The following KCTD15 variants were observed in gnomAD, a reference collection of about 807,000 sequenced individuals.
The protein encoded by KCTD15 is BTB/POZ domain-containing protein KCTD15.
A neutral mutation model predicts 27.2 loss-of-function variants in KCTD15; 11 were observed. The observed-to-expected ratio is 0.41, with a 90% confidence interval of 0.25 to 0.67. The LOEUF (loss-of-function observed/expected upper bound fraction) is 0.67, where lower values mean the gene tolerates loss of function less well. KCTD15 is among the 30% of genes least tolerant of loss of function. The pLI is 0.35. For missense variants in KCTD15, 350 were observed against 409.3 expected (o/e 0.86, Z 1.25); for synonymous variants, 163 against 176.0 (o/e 0.93, Z 0.58).
intron 4 of KCTD15, among the ~76,000 whole-genome samples, chr19:33,801,995 C>G (rs368228169): frequency 2.6e-5 from 4 of 152,202 alleles, no homozygotes; most frequent in Non-Finnish European, 5.9e-5. Flanking sequence ...TGGGGGCTCA[C>G]AGGCACCCTC....
intron 4 of KCTD15, among the ~76,000 whole-genome samples, chr19:33,802,123 C>G (rs1975575855): frequency 6.6e-6 from 1 of 152,202 alleles, no homozygotes; most frequent in South Asian, 2.1e-4. Context: ...GGTGAGGGAC[C>G]TGCTTTCCCC....
Position 33,805,892 on chromosome 19 carries a change from C to T in KCTD15, c.243-971C>T, listed in dbSNP as rs551009453. Among the ~76,000 whole-genome samples, 8 of 152,312 alleles carry T rather than the reference C, an allele frequency of 5.3e-5. No homozygotes were observed. The East Asian group carries it at 5.8e-4, about 11-fold the overall frequency. The stretch of plus-strand genomic sequence containing the variant: ...GCTCTGAGGCCTGGCTCCTTCTCCC[C>T]GGAGTGGACAGGGACAGGCATCAGG... On this transcript the variant is annotated intron_variant, in intron 4 of 6. Transcript: ENST00000683859.
Position 33,815,558 on chromosome 19 carries a change from C to G in KCTD15, c.*2610C>G, listed in dbSNP as rs1976067005. 6.6e-6 allele frequency: 1 copy of G among 152,136 alleles called. No homozygotes were observed. The highest frequency in any genetic ancestry group is 6.6e-5 in the Admixed American group (1 of 15,252). 9.4% of individuals were successfully genotyped at this position (152,136 alleles called of 1,614,324 possible). ...GGACAGAACCATGCCAAAGCTTCCC[C>G]GTTTCCCACCAAACCCCTGCCAGTG... On this transcript the variant is annotated 3_prime_UTR_variant, in exon 7 of 7. Coordinates refer to ENST00000683859, the MANE Select transcript of KCTD15 (RefSeq NM_001129994.2).
Position 33,797,533 on chromosome 19 carries a change from C to G in KCTD15, c.-127+546C>G, listed in dbSNP as rs1017082828. On this transcript the variant is annotated intron_variant, in intron 1 of 6. Coordinates refer to ENST00000683859, the MANE Select transcript of KCTD15 (RefSeq NM_001129994.2). The stretch of plus-strand genomic sequence containing the variant: ...GGGGCTGTCGCGCTGGTGGTGGTCC[C>G]GGGCGCGCAGGGTTTGGGGCTGGGA... 1.1e-4 allele frequency: 39 copies of G among 369,918 alleles called. 1 individual carries two copies. Among genetic ancestry groups the G allele is most frequent in the Non-Finnish European group, 1.8e-4 (32 of 179,586 alleles). 22.9% of individuals were successfully genotyped at this position (369,918 alleles called of 1,614,324 possible).
At chr19:33,811,579 C>T in intron 6 of KCTD15, 27 bp downstream of exon 6, 3 of 1,574,498 alleles carry the variant, frequency 1.9e-6, no homozygotes, top group African/African-American at 1.3e-5. Context: ...GCCCCCTCCC[C>T]GCCGCACCCC....
chr19:33,812,133 C>G, intron 6 of KCTD15: 1 of 1,256,826 alleles, frequency 8.0e-7, no homozygotes, highest in Non-Finnish European at 1.0e-6. Flanking sequence ...AGAGGGCCCC[C>G]TGTGCACGCA....
Position 33,813,064 on chromosome 19 carries a change from A to G in KCTD15, c.*116A>G, listed in dbSNP as rs900640241. 2 of 1,111,374 alleles carry G rather than the reference A, an allele frequency of 1.8e-6. No homozygotes were observed. Among genetic ancestry groups the G allele is most frequent in the Non-Finnish European group, 2.6e-6 (2 of 771,738 alleles). 68.8% of individuals were successfully genotyped at this position (1,111,374 alleles called of 1,614,324 possible). ...ACCGAGGGTGAGGCTGGAGGGTCCA[A>G]AGCTGGCCCAGCGAGCACCAGGGTC... On this transcript the variant is annotated 3_prime_UTR_variant, in exon 7 of 7. Coordinates refer to ENST00000683859, the MANE Select transcript of KCTD15 (RefSeq NM_001129994.2).
At chr19:33,796,156 C>G (rs980551872), upstream of KCTD15, 1 of 151,620 alleles carries the variant, frequency 6.6e-6, no homozygotes, top group South Asian at 2.1e-4. Context: ...TTATGCCCAG[C>G]TGAAAGCGCC....
chr19:33,807,259 C>T (rs560547396), intron 5 of KCTD15, among the ~76,000 whole-genome samples: 6 of 152,318 alleles, frequency 3.9e-5, no homozygotes, highest in East Asian at 1.9e-4. Flanking sequence ...TAAGGATGGG[C>T]GCGTGCCAGC....
intron 5 of KCTD15, 115 bp from the exon 6 acceptor site, chr19:33,811,132 G>A (rs939630270): frequency 2.3e-6 from 2 of 860,922 alleles, no homozygotes; most frequent in Admixed American, 5.6e-5. Flanking sequence ...ACAATACCCT[G>A]CGAGTCGCAG....
intron 2 of KCTD15, among the ~76,000 whole-genome samples, chr19:33,799,216 G>A (rs1975450014): frequency 6.6e-6 from 1 of 152,166 alleles, no homozygotes; most frequent in Non-Finnish European, 1.5e-5. Flanking sequence ...ACTTGCCCGG[G>A]CACTCAGGGA....
intron 4 of KCTD15, among the ~76,000 whole-genome samples, chr19:33,805,645 G>C (rs1975687336): frequency 6.6e-6 from 1 of 152,218 alleles, no homozygotes; most frequent in Non-Finnish European, 1.5e-5. Flanking sequence ...ACCTTGGCAG[G>C]GTCCAGCTGG....
At chr19:33,812,499 T>C (rs1975957299) in intron 6 of KCTD15, 1 of 1,214,546 alleles carries the variant, frequency 8.2e-7, no homozygotes, top group African/African-American at 1.6e-5. Context: ...CCAAAGCCTC[T>C]TTTTGCCTCC....
At position 33,813,030 on chromosome 19, in the gene KCTD15, G is replaced by T; in HGVS notation, c.*82G>T. 7.1e-7 allele frequency: 1 copy of T among 1,401,734 alleles called. No individual in the cohort carries two copies. Among genetic ancestry groups the T allele is most frequent in the South Asian group, 1.3e-5 (1 of 79,824 alleles). The allele number at this position is 1,401,734 out of a possible 1,614,324, so 86.8% of individuals were successfully genotyped here. A position where few individuals can be genotyped will look rare whatever the true frequency, so the allele number is the denominator to read the frequency against. Reference sequence around the variant, plus strand: ...GTTCTGCCTGTGTATACTTGGCCGTGGGCATGAGACCGAGGGTGAGGCTGG... The same window carrying T: ...GTTCTGCCTGTGTATACTTGGCCGTTGGCATGAGACCGAGGGTGAGGCTGG... On this transcript the variant is annotated 3_prime_UTR_variant, in exon 7 of 7. Coordinates refer to ENST00000683859, the MANE Select transcript of KCTD15 (RefSeq NM_001129994.2).
chr19:33,814,920 A>G lies in KCTD15; in HGVS notation c.*1972A>G, dbSNP rs1411938683. On this transcript the variant is annotated 3_prime_UTR_variant, in exon 7 of 7. Coordinates refer to ENST00000683859, the MANE Select transcript of KCTD15 (RefSeq NM_001129994.2). ...CAGAGCAGACGCCATCCCACTGTAC[A>G]ATCGAATTTGCTGGACAAACTTGAT... 1.3e-5 allele frequency: 2 copies of G among 152,212 alleles called. No homozygotes were observed. The highest frequency in any genetic ancestry group is 1.9e-4 in the East Asian group (1 of 5,198). 9.4% of individuals were successfully genotyped at this position (152,212 alleles called of 1,614,324 possible).
intron 6 of KCTD15, 188 bp downstream of exon 6, chr19:33,811,740 G>C (rs1252888286): frequency 7.0e-6 from 11 of 1,582,620 alleles, no homozygotes; most frequent in Non-Finnish European, 9.5e-6. Flanking sequence ...TGGCGCCTGG[G>C]GGATGGACTT....
rs751354427 is a variant in KCTD15 at position 33,801,224 on chromosome 19, G to A, written c.124G>A (p.Ala42Thr). 3.1e-6 allele frequency: 5 copies of A among 1,613,118 alleles called. No homozygotes were observed. Among genetic ancestry groups the A allele is most frequent in the Admixed American group, 1.7e-5 (1 of 59,940 alleles). The part of the protein sequence containing the change: ...LTRSPVSPLA[A>T]QGIPLPAQLT... Reference sequence around the variant, plus strand: ...CCGGTCGCCTGTGTCTCCCCTGGCTGCCCAGGGCATCCCCCTGCCAGCCCA... The same window carrying A: ...CCGGTCGCCTGTGTCTCCCCTGGCTACCCAGGGCATCCCCCTGCCAGCCCA... The change falls in exon 4 of 7, where the codon GCC (alanine) becomes ACC (threonine). Residue 42 changes from alanine (A) to threonine (T), a missense_variant. By Grantham distance (58) the Ala-to-Thr change is moderately conservative (BLOSUM62 0). Around this residue, in one of 3 missense-constraint regions of KCTD15, gnomAD observed 77 missense variants for 72.7 expected, o/e 1.06. Coordinates refer to ENST00000683859, the MANE Select transcript of KCTD15 (RefSeq NM_001129994.2).
At chr19:33,803,425 AAG>A (rs1975622800) in intron 4 of KCTD15, among the ~76,000 whole-genome samples, 5 of 152,178 alleles carry the variant, frequency 3.3e-5, no homozygotes, top group Admixed American at 3.3e-4. Flanking sequence ...ATGGAGGACT[AAG>A]AGTGCTGTGG....
At chr19:33,809,590 G>A (rs1292605152) in intron 5 of KCTD15, among the ~76,000 whole-genome samples, 1 of 152,160 alleles carries the variant, frequency 6.6e-6, no homozygotes, top group African/African-American at 2.4e-5. Flanking sequence ...TCAGGAGAAT[G>A]GCCAGGAGAG....
Sources: allele counts gnomAD v4.1 joint callset (sites outside exome capture counted in the v4.1 genomes callset), GRCh38; gene constraint gnomAD v4.1.1; regional missense constraint gnomAD v4.1.1; transcripts MANE v1.5; gene names NCBI Gene and HGNC (gene_info 2026-07-23, HGNC 2026-07-21).